CACHD1: variants seen among roughly 807,000 people sequenced by gnomAD.
The protein encoded by CACHD1 is cache domain containing 1, also known as VWFA and cache domain-containing protein 1.
A neutral mutation model predicts 138.7 loss-of-function variants in CACHD1; 71 were observed. The observed-to-expected ratio is 0.51, with a 90% CI of 0.42 to 0.62. The LOEUF is 0.62. Ranked by LOEUF, CACHD1 falls within the 20% of genes least tolerant of loss-of-function variation. The pLI, the probability that CACHD1 is intolerant of heterozygous loss-of-function variation, is 0.00. For synonymous variants in CACHD1, 578 were observed against 591.5 expected (o/e 0.98, Z 0.33); for missense variants, 1,389 against 1,625.3 (o/e 0.85, Z 2.50).
At position 64,691,819 on chromosome 1, in the gene CACHD1, T is replaced by C. The variant is rs1232736219; in HGVS notation, c.*258T>C. ...ATGAACAGACCTGCCATAACACTAA[T>C]GGAAGGTAACAGAAGGCGAACCTCC... is the stretch of plus-strand genomic sequence containing the variant. On this transcript the variant is annotated 3_prime_UTR_variant, in exon 27 of 27. Transcript: ENST00000651257. 2.1e-6 allele frequency: 1 copy of C among 473,034 alleles called. No individual in the cohort carries two copies. The highest frequency in any genetic ancestry group is 3.8e-6 in the Non-Finnish European group (1 of 259,980). The allele number at this position is 473,034 out of a possible 1,614,324, so 29.3% of individuals were successfully genotyped here. A position where few individuals can be genotyped will look rare whatever the true frequency, so the allele number is the denominator to read the frequency against.
chr1:64,541,613 A>C (rs1039009603), intron 1 of CACHD1, among the ~76,000 whole-genome samples: 1 of 152,166 alleles, frequency 6.6e-6, no homozygotes, highest in South Asian at 2.1e-4. Context: ...TTCGAGACCA[A>C]CCTGGACAAC....
chr1:64,607,185 A>G (rs932825978), intron 4 of CACHD1, among the ~76,000 whole-genome samples: 1 of 152,146 alleles, frequency 6.6e-6, no homozygotes, highest in African/African-American at 2.4e-5. Flanking sequence ...TTTACTGCTG[A>G]GGTGACACTG....
intron 2 of CACHD1, among the ~76,000 whole-genome samples, chr1:64,562,165 G>C (rs963074851): frequency 6.6e-6 from 1 of 151,980 alleles, no homozygotes; most frequent in Non-Finnish European, 1.5e-5. Flanking sequence ...CTTGGTGTTT[G>C]TTGAGCTTTT....
chr1:64,475,077 GAT>G (rs970718390), intron 1 of CACHD1, among the ~76,000 whole-genome samples: 1 of 151,718 alleles, frequency 6.6e-6, no homozygotes, highest in African/African-American at 2.4e-5. Context: ...AAGTGTCAAA[GAT>G]ATAAAGCAAT....
At chr1:64,575,716 G>A (rs763301189) in intron 2 of CACHD1, among the ~76,000 whole-genome samples, 66 of 152,248 alleles carry the variant, frequency 4.3e-4, no homozygotes, top group Non-Finnish European at 8.5e-4. Flanking sequence ...TTTAAATAAA[G>A]CTTTCCCTAA....
At chr1:64,549,130 G>A (rs768777644) in intron 1 of CACHD1, among the ~76,000 whole-genome samples, 7 of 152,140 alleles carry the variant, frequency 4.6e-5, no homozygotes, top group Non-Finnish European at 1.0e-4. Context: ...TATCTGGATT[G>A]CCCTAGGCAC....
intron 3 of CACHD1, among the ~76,000 whole-genome samples, chr1:64,587,097 AT>A (rs1326573156): frequency 6.6e-6 from 1 of 151,894 alleles, no homozygotes; most frequent in South Asian, 2.1e-4. Flanking sequence ...CCTTATGAAC[AT>A]TTTTTTTAAA....
chr1:64,687,782 C>T (rs1004936141), intron 26 of CACHD1, among the ~76,000 whole-genome samples: 5 of 151,852 alleles, frequency 3.3e-5, no homozygotes, highest in Admixed American at 2.0e-4. Context: ...GTATAGTGTG[C>T]GTTGGTGGGG....
At chr1:64,603,580 A>T (rs1460074923) in intron 4 of CACHD1, among the ~76,000 whole-genome samples, 1 of 152,146 alleles carries the variant, frequency 6.6e-6, no homozygotes, top group Admixed American at 6.6e-5. Flanking sequence ...TTCCCTAGTT[A>T]CAATTTTTAA....
chr1:64,530,993 A>G (rs370077603), intron 1 of CACHD1, among the ~76,000 whole-genome samples: 11 of 150,238 alleles, frequency 7.3e-5, no homozygotes, highest in African/African-American at 2.4e-4. Context: ...CTAAGCCTCA[A>G]TCTCTCTAGG....
At chr1:64,673,525 G>A (rs113428587) in intron 19 of CACHD1, 61 bp downstream of exon 19, 5 of 1,281,656 alleles carry the variant, frequency 3.9e-6, no homozygotes, top group Non-Finnish European at 5.7e-6. Flanking sequence ...ACATGAATTG[G>A]AATCATGGCT....
At chr1:64,609,492 A>G (rs1647452651) in intron 4 of CACHD1, among the ~76,000 whole-genome samples, 2 of 152,192 alleles carry the variant, frequency 1.3e-5, no homozygotes, top group Non-Finnish European at 2.9e-5. Context: ...ACACAGAATT[A>G]AGGAACTAAA....
chr1:64,478,340 G>A (rs181431820), intron 1 of CACHD1, among the ~76,000 whole-genome samples: 1 of 152,204 alleles, frequency 6.6e-6, no homozygotes, highest in African/African-American at 2.4e-5. Context: ...TTTCTTAAAG[G>A]CTGGCATATA....
At chr1:64,531,742 T>C (rs1646588534) in intron 1 of CACHD1, among the ~76,000 whole-genome samples, 1 of 152,228 alleles carries the variant, frequency 6.6e-6, no homozygotes, top group African/African-American at 2.4e-5. Context: ...GGAGAAGCGT[T>C]TGCTATACCA....
chr1:64,610,758 T>G (rs1359840623), intron 4 of CACHD1, among the ~76,000 whole-genome samples: 1 of 152,086 alleles, frequency 6.6e-6, no homozygotes, highest in Non-Finnish European at 1.5e-5. Context: ...CATTCTGGAG[T>G]CTGGAGGATG....
At chr1:64,618,217 G>A (rs12407667) in intron 4 of CACHD1, among the ~76,000 whole-genome samples, 39,652 of 151,796 alleles carry the variant, frequency 0.26, 6,486 homozygotes, top group African/African-American at 0.46. Flanking sequence ...ACAATGAAAG[G>A]CATTCCTGTA....
chr1:64,540,274 T>C (rs1224069556), intron 1 of CACHD1, among the ~76,000 whole-genome samples: 1 of 152,036 alleles, frequency 6.6e-6, no homozygotes, highest in Admixed American at 6.6e-5. Context: ...CTTTTTTTTT[T>C]CCTTTAAAAG....
intron 2 of CACHD1, among the ~76,000 whole-genome samples, chr1:64,577,317 TG>T (rs1390606629): frequency 3.3e-5 from 5 of 152,192 alleles, no homozygotes; most frequent in Non-Finnish European, 7.3e-5. Flanking sequence ...ATAGGAATTT[TG>T]AAGAATATTA....
intron 2 of CACHD1, among the ~76,000 whole-genome samples, chr1:64,568,459 A>T (rs1014791305): frequency 6.6e-6 from 1 of 152,150 alleles, no homozygotes; most frequent in African/African-American, 2.4e-5. Flanking sequence ...AATAGTCAGG[A>T]TGCTTGGAGT....
Sources: gnomAD v4.1 joint callset for allele counts (sites outside exome capture counted in the v4.1 genomes callset) on GRCh38, gnomAD v4.1.1 for gene constraint, MANE v1.5 for transcripts, NCBI Gene and HGNC (gene_info 2026-07-23, HGNC 2026-07-21) for gene names.